TBC1D5: variants seen among roughly 807,000 people sequenced by gnomAD.
TBC1D5 encodes the protein TBC1 domain family, member 5.
In TBC1D5, 75 loss-of-function variants were observed where a neutral mutation model predicts 100.3. That is an observed-to-expected ratio of 0.75 (90% CI 0.62 to 0.91). The LOEUF (loss-of-function observed/expected upper bound fraction) is 0.91, where lower values mean the gene tolerates loss of function less well. TBC1D5 is among the 40% of genes least tolerant of loss of function. TBC1D5 has a pLI of 0.00. For missense variants in TBC1D5, 910 were observed against 942.4 expected, an observed-to-expected ratio of 0.97 and a Z score of 0.45; for synonymous variants, 323 against 325.6, an observed-to-expected ratio of 0.99 and a Z score of 0.09.
At chr3:17,664,212 G>C (rs1388120061) in intron 1 of TBC1D5, among the ~76,000 whole-genome samples, 2 of 152,092 alleles carry the variant, frequency 1.3e-5, no homozygotes, top group African/African-American at 4.8e-5. Flanking sequence ...TGGGATTACA[G>C]GCACACACCA....
intron 8 of TBC1D5, among the ~76,000 whole-genome samples, chr3:17,384,587 G>A (rs1575624978): frequency 6.6e-6 from 1 of 151,984 alleles, no homozygotes; most frequent in East Asian, 1.9e-4. Context: ...TATAAGGGCC[G>A]AGGGAATGTC....
chr3:17,630,605 T>C (rs2063408062), intron 1 of TBC1D5, among the ~76,000 whole-genome samples: 1 of 152,146 alleles, frequency 6.6e-6, no homozygotes, highest in Non-Finnish European at 1.5e-5. Flanking sequence ...CCCTATTCCC[T>C]GAGATATGAC....
chr3:17,281,209 A>G (rs1180230328), intron 15 of TBC1D5, among the ~76,000 whole-genome samples: 1 of 152,264 alleles, frequency 6.6e-6, no homozygotes, highest in Non-Finnish European at 1.5e-5. Flanking sequence ...TGGTTCCACG[A>G]TGCTACTGAT....
intron 1 of TBC1D5, among the ~76,000 whole-genome samples, chr3:17,710,042 A>C (rs1358572952): frequency 6.6e-6 from 1 of 152,194 alleles, no homozygotes; most frequent in Non-Finnish European, 1.5e-5. Context: ...AAGAATACAT[A>C]CCTCAACATT....
At chr3:17,537,109 C>A (rs1432384875) in intron 2 of TBC1D5, among the ~76,000 whole-genome samples, 1 of 152,120 alleles carries the variant, frequency 6.6e-6, no homozygotes, top group Admixed American at 6.5e-5. Context: ...GGCCTTATGG[C>A]AGCCTTTTCA....
intron 2 of TBC1D5, among the ~76,000 whole-genome samples, chr3:17,618,621 C>T (rs1334302111): frequency 2.0e-5 from 3 of 152,246 alleles, no homozygotes; most frequent in Non-Finnish European, 4.4e-5. Context: ...GACGCCCCTC[C>T]CCCAGCCAGG....
chr3:17,429,259 A>G (rs2094403461), intron 3 of TBC1D5, among the ~76,000 whole-genome samples: 1 of 151,930 alleles, frequency 6.6e-6, no homozygotes. Flanking sequence ...TAAATGTACT[A>G]AAGTTGGAAA....
chr3:17,653,684 T>C (rs2065798584), intron 1 of TBC1D5, among the ~76,000 whole-genome samples: 1 of 152,182 alleles, frequency 6.6e-6, no homozygotes, highest in Admixed American at 6.5e-5. Context: ...TGTAATTTCA[T>C]TAATAGTACT....
At chr3:17,223,382 C>A (rs983306810) in intron 17 of TBC1D5, among the ~76,000 whole-genome samples, 1 of 152,118 alleles carries the variant, frequency 6.6e-6, no homozygotes, top group Non-Finnish European at 1.5e-5. Context: ...GTGATATTTG[C>A]AAAATGCTTG....
chr3:17,474,908 C>G (rs2095420250), intron 3 of TBC1D5, among the ~76,000 whole-genome samples: 2 of 151,958 alleles, frequency 1.3e-5, no homozygotes, highest in South Asian at 2.1e-4. Context: ...AGTTGCATTA[C>G]TTTTTTTAAC....
At chr3:17,378,210 TC>T (rs1419176373) in intron 9 of TBC1D5, among the ~76,000 whole-genome samples, 2 of 151,904 alleles carry the variant, frequency 1.3e-5, no homozygotes, top group Non-Finnish European at 2.9e-5. Context: ...ATCCTTGTGA[TC>T]TTTTTTTGCC....
At chr3:17,279,963 T>C (rs1669858420) in intron 15 of TBC1D5, among the ~76,000 whole-genome samples, 1 of 152,188 alleles carries the variant, frequency 6.6e-6, no homozygotes, top group African/African-American at 2.4e-5. Context: ...GTAACTGAAC[T>C]GCAATGAACA....
chr3:17,451,783 C>T (rs961254211), intron 3 of TBC1D5, among the ~76,000 whole-genome samples: 126 of 152,056 alleles, frequency 8.3e-4, no homozygotes, highest in African/African-American at 2.9e-3. Context: ...ATTAGCCGGG[C>T]GTGGTGGTGG....
intron 3 of TBC1D5, among the ~76,000 whole-genome samples, chr3:17,467,095 TCTC>T (rs951603344): frequency 4.6e-5 from 7 of 151,978 alleles, no homozygotes; most frequent in Non-Finnish European, 8.8e-5. Context: ...CGTCAAGAGT[TCTC>T]CTCCCCAATA....
intron 8 of TBC1D5, among the ~76,000 whole-genome samples, chr3:17,391,379 C>G (rs547562139): frequency 6.6e-6 from 1 of 152,012 alleles, no homozygotes; most frequent in African/African-American, 2.4e-5. Context: ...CCAGTAACCA[C>G]GTGACTGCAA....
intron 3 of TBC1D5, among the ~76,000 whole-genome samples, chr3:17,496,261 A>C (rs528396824): frequency 6.6e-6 from 1 of 152,366 alleles, no homozygotes; most frequent in East Asian, 1.9e-4. Flanking sequence ...TCAATTTGTT[A>C]ATAGTTTCAT....
chr3:17,607,227 T>C (rs1187794203), intron 2 of TBC1D5, among the ~76,000 whole-genome samples: 11 of 152,106 alleles, frequency 7.2e-5, no homozygotes, highest in Admixed American at 6.6e-4. Flanking sequence ...TCAATACAAA[T>C]TGCAGTTTAA....
intron 16 of TBC1D5, among the ~76,000 whole-genome samples, chr3:17,246,547 C>A (rs909977661): frequency 1.3e-5 from 2 of 152,208 alleles, no homozygotes; most frequent in African/African-American, 4.8e-5. Context: ...GATTAAGCCA[C>A]TGTGTTACCA....
intron 1 of TBC1D5, among the ~76,000 whole-genome samples, chr3:17,653,516 T>C (rs980235645): frequency 5.3e-5 from 8 of 151,926 alleles, no homozygotes; most frequent in Non-Finnish European, 1.2e-4. Flanking sequence ...GTGAGTACTA[T>C]CCAAAAGTCT....
Sources: allele counts gnomAD v4.1 joint callset (sites outside exome capture counted in the v4.1 genomes callset), GRCh38; gene constraint gnomAD v4.1.1; transcripts MANE v1.5; gene names NCBI Gene and HGNC (gene_info 2026-07-23, HGNC 2026-07-21).